The following DPYD variants were observed in gnomAD, a reference collection of about 807,000 sequenced individuals.
DPYD encodes the protein dihydropyrimidine dehydrogenase [NADP(+)].
Under a neutral mutation model 116.2 loss-of-function variants are expected in DPYD, and 109 were observed. The ratio of observed to expected loss-of-function variants is 0.94; its 90% CI spans 0.80 to 1.10. The LOEUF (loss-of-function observed/expected upper bound fraction) is 1.10. DPYD is among the 50% of genes least tolerant of loss of function. The pLI, the probability that DPYD is intolerant of heterozygous loss-of-function variation, is 0.00. For missense variants in DPYD, 1,302 were observed against 1,254.5 expected (o/e 1.04, Z -0.57); for synonymous variants, 440 against 432.0 (o/e 1.02, Z -0.23).
intron 21 of DPYD, among the ~76,000 whole-genome samples, chr1:97,094,755 G>C (rs1489359767): frequency 1.3e-5 from 2 of 152,074 alleles, no homozygotes; most frequent in Admixed American, 1.3e-4. Flanking sequence ...TCATTGTGTA[G>C]GAAACGTTTA....
intron 18 of DPYD, among the ~76,000 whole-genome samples, chr1:97,244,411 A>C (rs1316324825): frequency 6.6e-6 from 1 of 152,074 alleles, no homozygotes; most frequent in Non-Finnish European, 1.5e-5. Flanking sequence ...TTAATGAAAC[A>C]GTACAGTGAG....
intron 8 of DPYD, among the ~76,000 whole-genome samples, chr1:97,663,464 TTA>T (rs1659382185): frequency 6.6e-6 from 1 of 152,186 alleles, no homozygotes; most frequent in Non-Finnish European, 1.5e-5. Context: ...TTGTATTTCC[TTA>T]TGTTTGTTTC....
intron 4 of DPYD, among the ~76,000 whole-genome samples, chr1:97,724,295 G>T (rs944583895): frequency 2.0e-4 from 3 of 14,964 alleles, no homozygotes; most frequent in Non-Finnish European, 2.9e-4. Flanking sequence ...GATGTATGTG[G>T]GGGGGGGGGG....
intron 14 of DPYD, among the ~76,000 whole-genome samples, chr1:97,422,102 T>A (rs894501046): frequency 6.6e-6 from 1 of 152,156 alleles, no homozygotes; most frequent in African/African-American, 2.4e-5. Flanking sequence ...TATTAGGAAT[T>A]AACTTTTTTA....
chr1:97,088,797 G>A (rs923715587), intron 21 of DPYD, among the ~76,000 whole-genome samples: 14 of 151,912 alleles, frequency 9.2e-5, no homozygotes, highest in Non-Finnish European at 1.6e-4. Context: ...AAGACTTAAG[G>A]GATTATTTTA....
At chr1:97,763,679 TA>T (rs1665701520) in intron 3 of DPYD, among the ~76,000 whole-genome samples, 1 of 152,056 alleles carries the variant, frequency 6.6e-6, no homozygotes, top group South Asian at 2.1e-4. Flanking sequence ...AGTTCTTGCA[TA>T]GGGGTAAAAT....
chr1:97,658,143 T>A (rs964892255), intron 8 of DPYD, among the ~76,000 whole-genome samples: 1 of 152,182 alleles, frequency 6.6e-6, no homozygotes, highest in African/African-American at 2.4e-5. Context: ...TAGAATTCAA[T>A]GGCTGTTAAT....
chr1:97,442,749 T>A (rs1297270819), intron 14 of DPYD, among the ~76,000 whole-genome samples: 1 of 152,178 alleles, frequency 6.6e-6, no homozygotes, highest in Non-Finnish European at 1.5e-5. Context: ...AATTTTTAAA[T>A]TGGTAACTAT....
intron 12 of DPYD, among the ~76,000 whole-genome samples, chr1:97,525,170 C>A (rs1429326868): frequency 1.3e-5 from 2 of 152,152 alleles, no homozygotes; most frequent in African/African-American, 4.8e-5. Flanking sequence ...TTAACTCATC[C>A]CTTTGCTTCA....
intron 3 of DPYD, among the ~76,000 whole-genome samples, chr1:97,782,521 A>G (rs988224238): frequency 6.6e-6 from 1 of 152,128 alleles, no homozygotes; most frequent in Non-Finnish European, 1.5e-5. Flanking sequence ...AGAATTATAC[A>G]TTTGCTGGGG....
At position 97,211,115 on chromosome 1, in the gene DPYD, G is replaced by A. The variant is rs141234315; in HGVS notation, c.2443-17867C>T. Reference sequence around the variant, plus strand: ...GACCAACAATGTCTTGCCTCACTTTGCAAAAATGGGAACACTTTCTACAAA... The same window carrying A: ...GACCAACAATGTCTTGCCTCACTTTACAAAAATGGGAACACTTTCTACAAA... On this transcript the variant is annotated intron_variant, in intron 19 of 22. Transcript: ENST00000370192. Among the ~76,000 whole-genome samples, 142 of 152,206 alleles carry A rather than the reference G, an allele frequency of 9.3e-4. No individual in the cohort carries two copies. The East Asian group carries it at 0.026, about 28-fold the overall frequency.
chr1:97,848,062 GA>G (rs949911818), intron 2 of DPYD, among the ~76,000 whole-genome samples: 1 of 152,078 alleles, frequency 6.6e-6, no homozygotes, highest in African/African-American at 2.4e-5. Flanking sequence ...CAATGTTAAT[GA>G]AAATTGTTAT....
chr1:97,169,653 T>C (rs895758765), intron 20 of DPYD, among the ~76,000 whole-genome samples: 2 of 152,054 alleles, frequency 1.3e-5, no homozygotes, highest in African/African-American at 2.4e-5. Flanking sequence ...CCTCTTTTAA[T>C]AGACTCTACT....
chr1:97,232,124 G>A (rs1661622814), intron 19 of DPYD, among the ~76,000 whole-genome samples: 1 of 152,084 alleles, frequency 6.6e-6, no homozygotes, highest in African/African-American at 2.4e-5. Flanking sequence ...CATTCTCTTA[G>A]TTTTTCTTCA....
chr1:97,123,813 T>C (rs961760898), intron 20 of DPYD, among the ~76,000 whole-genome samples: 6 of 152,134 alleles, frequency 3.9e-5, no homozygotes, highest in African/African-American at 1.4e-4. Flanking sequence ...ATCTGAAATA[T>C]CCAATTTCCT....
intron 16 of DPYD, among the ~76,000 whole-genome samples, chr1:97,341,945 C>T (rs1167803047): frequency 6.6e-6 from 1 of 152,134 alleles, no homozygotes; most frequent in African/African-American, 2.4e-5. Flanking sequence ...GATTTGTTTT[C>T]AGGAGAACTG....
At chr1:97,147,213 G>A (rs554043097) in intron 20 of DPYD, among the ~76,000 whole-genome samples, 23 of 152,216 alleles carry the variant, frequency 1.5e-4, no homozygotes, top group African/African-American at 5.3e-4. Context: ...CTGGGCATGG[G>A]GGCATGCTCG....
intron 18 of DPYD, among the ~76,000 whole-genome samples, chr1:97,283,585 A>G (rs1457750853): frequency 6.6e-6 from 1 of 152,070 alleles, no homozygotes; most frequent in Non-Finnish European, 1.5e-5. Flanking sequence ...ACTAAATGCC[A>G]TATTATGAGT....
chr1:97,184,360 T>C (rs1016347785), intron 20 of DPYD, among the ~76,000 whole-genome samples: 19 of 152,136 alleles, frequency 1.2e-4, no homozygotes, highest in Non-Finnish European at 2.4e-4. Flanking sequence ...CCACAATGGT[T>C]GAACTAATTT....
Sources: gnomAD v4.1 joint callset for allele counts (sites outside exome capture counted in the v4.1 genomes callset) on GRCh38, gnomAD v4.1.1 for gene constraint, MANE v1.5 for transcripts, NCBI Gene and HGNC (gene_info 2026-07-23, HGNC 2026-07-21) for gene names.